Variants in PKHD1 observed in about 807,000 individuals in gnomAD.
The protein encoded by PKHD1 is PKHD1 ciliary IPT domain containing fibrocystin/polyductin.
PKHD1 carries 291 observed loss-of-function variants against 412.0 expected under a neutral mutation model. The observed-to-expected ratio is 0.71, with a 90% CI of 0.64 to 0.78. The LOEUF is 0.78. PKHD1 is among the 30% of genes least tolerant of loss of function. The probability of loss-of-function intolerance (pLI) is 0.00; values close to 1 mark genes in which losing one functional copy is unlikely to be tolerated. For synonymous variants in PKHD1, 1,777 were observed against 1,821.5 expected (o/e 0.98, Z 0.62); for missense variants, 4,825 against 4,950.7 (o/e 0.97, Z 0.76).
chr6:51,724,151 T>C (rs750568292), intron 60 of PKHD1, among the ~76,000 whole-genome samples: 1 of 152,148 alleles, frequency 6.6e-6, no homozygotes, highest in Non-Finnish European at 1.5e-5. Context: ...CTGCAAAAGA[T>C]TACCTGAGAG....
At chr6:52,036,665 A>T (rs1303504219) in intron 27 of PKHD1, among the ~76,000 whole-genome samples, 2 of 152,226 alleles carry the variant, frequency 1.3e-5, no homozygotes, top group African/African-American at 4.8e-5. Flanking sequence ...CCCTGAAGTT[A>T]AGTGCATAAC....
At chr6:52,038,400 G>A (rs1487138602) in intron 27 of PKHD1, among the ~76,000 whole-genome samples, 1 of 151,856 alleles carries the variant, frequency 6.6e-6, no homozygotes, top group Non-Finnish European at 1.5e-5. Context: ...AGTTGGCAGG[G>A]GTGTGCAAGG....
At chr6:52,078,076 C>A (rs956528330) in intron 5 of PKHD1, among the ~76,000 whole-genome samples, 1 of 152,148 alleles carries the variant, frequency 6.6e-6, no homozygotes, top group Non-Finnish European at 1.5e-5. Flanking sequence ...AGAGCCACCA[C>A]TCAGTCTATA....
Position 52,049,393 on chromosome 6 carries a change from G to A in PKHD1, c.2279+764C>T, listed in dbSNP as rs559284387. 4.1e-4 allele frequency among the ~76,000 whole-genome samples: 62 copies of A among 152,160 alleles called. 3 individuals carry two copies. The South Asian group carries it at 0.012, about 31-fold the overall frequency. Reference sequence around the variant, plus strand: ...ACCATCATATATTTGGTCCATCACCGACAGATACATTGTTATGTGGTGCAT... The same window carrying A: ...ACCATCATATATTTGGTCCATCACCAACAGATACATTGTTATGTGGTGCAT... On this transcript the variant is annotated intron_variant, in intron 22 of 66. Transcript: ENST00000371117.
At chr6:51,944,977 C>T (rs1199657764) in intron 36 of PKHD1, among the ~76,000 whole-genome samples, 1 of 152,204 alleles carries the variant, frequency 6.6e-6, no homozygotes, top group Admixed American at 6.5e-5. Flanking sequence ...CTACAGGCTC[C>T]ATGCCAGAGC....
chr6:52,033,089 T>TA lies in PKHD1; in HGVS notation c.3304dup (p.Tyr1102LeufsTer23). ...AATAACTGGATTTAAGGAAGAGACATATGTAAATGCTCTGGGAAGAACTGC... is the reference window on the plus strand; with the variant it reads ...AATAACTGGATTTAAGGAAGAGACATAATGTAAATGCTCTGGGAAGAACTGC... On this transcript the variant is annotated frameshift_variant, in exon 29 of 67. Transcript: ENST00000371117. LOFTEE classifies it high-confidence loss of function. The TA allele has an allele frequency of 6.2e-7, 1 of 1,610,950 alleles. No homozygotes were observed. The highest frequency in any genetic ancestry group is 8.5e-7 in the Non-Finnish European group (1 of 1,177,204).
intron 56 of PKHD1, among the ~76,000 whole-genome samples, chr6:51,753,895 A>C (rs1280814789): frequency 6.6e-6 from 1 of 152,204 alleles, no homozygotes; most frequent in Non-Finnish European, 1.5e-5. Flanking sequence ...AGTGGGAACT[A>C]AGCGTCTTGC....
rs1440355093 is a variant in PKHD1, at chr6:51,616,407, C to T, written c.*2674G>A. On this transcript the variant is annotated 3_prime_UTR_variant, in exon 67 of 67. Transcript: ENST00000371117. ...GCTGGGAAATATTTGCTGGGTTACC[C>T]ATGTTAACGATCTGAATAAATTTAG... is the stretch of plus-strand genomic sequence containing the variant. 1 of 347,872 alleles carries T rather than the reference C, an allele frequency of 2.9e-6. No homozygotes were observed. Among genetic ancestry groups the T allele is most frequent in the East Asian group, 4.2e-5 (1 of 23,906 alleles). 21.5% of individuals were successfully genotyped at this position (347,872 alleles called of 1,614,324 possible).
intron 61 of PKHD1, among the ~76,000 whole-genome samples, chr6:51,649,469 T>C (rs1160960186): frequency 6.6e-6 from 1 of 152,156 alleles, no homozygotes; most frequent in African/African-American, 2.4e-5. Context: ...GCATATATTT[T>C]TATCATCATT....
At chr6:51,627,616 G>A (rs576119228) in intron 65 of PKHD1, among the ~76,000 whole-genome samples, 2 of 152,076 alleles carry the variant, frequency 1.3e-5, no homozygotes, top group African/African-American at 4.8e-5. Flanking sequence ...ATTTTGAAAT[G>A]AGTATTGATT....
intron 53 of PKHD1, among the ~76,000 whole-genome samples, chr6:51,789,390 A>T (rs1793385110): frequency 6.6e-6 from 1 of 152,152 alleles, no homozygotes. Context: ...CAATAGAAAC[A>T]TGGCTAAATT....
Position 51,775,643 on chromosome 6 carries a change from C to T in PKHD1, c.8554+165G>A, listed in dbSNP as rs926196064. 3.3e-5 allele frequency among the ~76,000 whole-genome samples: 5 copies of T among 151,788 alleles called. No individual in the cohort carries two copies. In the South Asian group the frequency reaches 1.0e-3, roughly 31 times the overall value. On this transcript the variant is annotated intron_variant, in intron 54 of 66. Coordinates refer to ENST00000371117, the MANE Select transcript of PKHD1 (RefSeq NM_138694.4). ...TTAGTTTTGACATCTCTAAAATGGA[C>T]ACTACTCACAAGAGAGCTGGTAAGT... is the stretch of plus-strand genomic sequence containing the variant.
At chr6:51,769,864 TG>T (rs1562271759) in intron 55 of PKHD1, among the ~76,000 whole-genome samples, 1 of 151,650 alleles carries the variant, frequency 6.6e-6, no homozygotes, top group Non-Finnish European at 1.5e-5. Flanking sequence ...GCTATTCTGT[TG>T]GTAAAGTTTT....
In PKHD1 at chr6:51,817,151, AG is replaced by A. The variant is rs1395344674; in HGVS notation, c.8302+13709del. The stretch of plus-strand genomic sequence containing the variant: ...ATCTTAGGGACAGACTTGTTTTTTG[AG>A]GGGTTTTTTTTCCCATTTTTCTCTA... On this transcript the variant is annotated intron_variant, in intron 52 of 66. Transcript: ENST00000371117. Among the ~76,000 whole-genome samples, 7 of 20,110 alleles carry A rather than the reference AG, an allele frequency of 3.5e-4. No homozygotes were observed. In the Non-Finnish European group the frequency reaches 7.2e-3, roughly 21 times the overall value. 13.2% of individuals were successfully genotyped at this position (20,110 alleles called of 152,430 possible). A position where few individuals can be genotyped will look rare whatever the true frequency, so the allele number is the denominator to read the frequency against.
At chr6:51,886,030 T>C in intron 44 of PKHD1, 58 bp from the exon 45 acceptor site, 1 of 1,030,994 alleles carries the variant, frequency 9.7e-7, no homozygotes, top group Middle Eastern at 2.0e-4. Context: ...CTTTCTACTT[T>C]TTCTTGTTGA....
At chr6:51,625,719 T>C (rs1356134354) in intron 66 of PKHD1, among the ~76,000 whole-genome samples, 1 of 152,152 alleles carries the variant, frequency 6.6e-6, no homozygotes, top group African/African-American at 2.4e-5. Flanking sequence ...TAAATGGCCA[T>C]ATGAGATTAA....
intron 49 of PKHD1, among the ~76,000 whole-genome samples, chr6:51,849,615 C>T (rs935775283): frequency 5.3e-5 from 8 of 152,082 alleles, no homozygotes; most frequent in South Asian, 2.1e-4. Flanking sequence ...TATCTCATAG[C>T]GGTTTTGATG....
intron 23 of PKHD1, among the ~76,000 whole-genome samples, chr6:52,046,892 C>T (rs1481403531): frequency 1.3e-5 from 2 of 152,222 alleles, no homozygotes; most frequent in Non-Finnish European, 1.5e-5. Flanking sequence ...TATGCAGAAG[C>T]TTGCCAATGC....
At chr6:52,085,431 C>T (rs892301515) in intron 1 of PKHD1, among the ~76,000 whole-genome samples, 5 of 152,056 alleles carry the variant, frequency 3.3e-5, no homozygotes. Flanking sequence ...CCGTTCTCAC[C>T]GTCACTCAGA....
Sources: gnomAD v4.1 joint callset for allele counts (sites outside exome capture counted in the v4.1 genomes callset) on GRCh38, gnomAD v4.1.1 for gene constraint, MANE v1.5 for transcripts, NCBI Gene and HGNC (gene_info 2026-07-23, HGNC 2026-07-21) for gene names.